The following XKR6 variants were observed in gnomAD, a reference collection of about 807,000 sequenced individuals.
XKR6 encodes the protein XK related 6.
Under a neutral mutation model 56.7 loss-of-function variants are expected in XKR6, and 22 were observed. The observed-to-expected ratio is 0.39, with a 90% CI of 0.28 to 0.55. XKR6 has a LOEUF of 0.55. Among genes scored for constraint, XKR6 ranks in the 20% least tolerant of loss-of-function variants. The probability of loss-of-function intolerance (pLI) is 0.66; values close to 1 mark genes in which losing one functional copy is unlikely to be tolerated. For missense variants in XKR6, 852 were observed against 889.0 expected, an observed-to-expected ratio of 0.96 and a Z score of 0.53; for synonymous variants, 524 against 387.8, an observed-to-expected ratio of 1.35 and a Z score of -4.13.
chr8:10,954,902 CT>C (rs1801836776), intron 1 of XKR6, among the ~76,000 whole-genome samples: 2 of 97,268 alleles, frequency 2.1e-5, no homozygotes, highest in African/African-American at 7.7e-5. Context: ...GAGTTTCACT[CT>C]TTTCTCCCAG....
chr8:10,907,025 C>T (rs1238392471), intron 2 of XKR6, among the ~76,000 whole-genome samples: 1 of 150,460 alleles, frequency 6.6e-6, no homozygotes. Flanking sequence ...TCCAGCCTGG[C>T]AACAGAGCAA....
rs552792827 is a variant in XKR6 at position 11,166,102 on chromosome 8, G to A, written c.764+34474C>T. Among the ~76,000 whole-genome samples the A allele has an allele frequency of 1.4e-4, 22 of 151,876 alleles. No individual in the cohort carries two copies. The East Asian group carries it at 3.1e-3, about 21-fold the overall frequency. On this transcript the variant is annotated intron_variant, in intron 1 of 2. Coordinates refer to ENST00000416569, the MANE Select transcript of XKR6 (RefSeq NM_173683.4). The stretch of plus-strand genomic sequence containing the variant: ...TCCCGAGTAGCTGGGATTTACAGGC[G>A]CATGCCACCATGCCCAGCTAATTTT...
chr8:11,084,457 T>C (rs954721492), intron 1 of XKR6, among the ~76,000 whole-genome samples: 1 of 152,200 alleles, frequency 6.6e-6, no homozygotes, highest in Non-Finnish European at 1.5e-5. Flanking sequence ...GTCTAAGAAT[T>C]GCACTATTTA....
At chr8:11,076,657 G>A (rs915395821) in intron 1 of XKR6, among the ~76,000 whole-genome samples, 1 of 152,144 alleles carries the variant, frequency 6.6e-6, no homozygotes, top group Admixed American at 6.5e-5. Flanking sequence ...CACAGGGCAG[G>A]CCCCGAAGAA....
chr8:10,947,959 C>T (rs1209834793), intron 1 of XKR6, among the ~76,000 whole-genome samples: 1 of 152,282 alleles, frequency 6.6e-6, no homozygotes, highest in South Asian at 2.1e-4. Flanking sequence ...GGCTGTCAGG[C>T]CTGGGGTTGG....
chr8:11,146,864 G>C (rs547013345), intron 1 of XKR6, among the ~76,000 whole-genome samples: 3 of 151,996 alleles, frequency 2.0e-5, no homozygotes, highest in African/African-American at 7.2e-5. Context: ...AATGAAACAA[G>C]CCAGACACAG....
At chr8:11,130,338 T>C (rs1800043189) in intron 1 of XKR6, among the ~76,000 whole-genome samples, 1 of 152,138 alleles carries the variant, frequency 6.6e-6, no homozygotes. Context: ...TTTTACGTTT[T>C]CCAAAGCACA....
chr8:11,079,433 G>C (rs923793560), intron 1 of XKR6, among the ~76,000 whole-genome samples: 2 of 152,188 alleles, frequency 1.3e-5, no homozygotes, highest in African/African-American at 2.4e-5. Context: ...ACAATATAGT[G>C]ACTATTATCC....
chr8:11,143,412 CA>C (rs1181158342), intron 1 of XKR6, among the ~76,000 whole-genome samples: 4 of 152,178 alleles, frequency 2.6e-5, no homozygotes, highest in Admixed American at 1.3e-4. Context: ...CCTAATCCGA[CA>C]ATGTAACTGC....
intron 1 of XKR6, among the ~76,000 whole-genome samples, chr8:11,121,936 C>CA (rs975457751): frequency 1.3e-5 from 2 of 152,066 alleles, no homozygotes; most frequent in East Asian, 1.9e-4. Flanking sequence ...ATCGCCAGGA[C>CA]AAAAAACCAT....
chr8:10,997,073 T>A (rs1397978590), intron 1 of XKR6, among the ~76,000 whole-genome samples: 1 of 152,254 alleles, frequency 6.6e-6, no homozygotes, highest in Non-Finnish European at 1.5e-5. Context: ...TTTCTCATCG[T>A]CTGCACCTTC....
At chr8:11,060,744 G>T (rs946083552) in intron 1 of XKR6, among the ~76,000 whole-genome samples, 1 of 152,202 alleles carries the variant, frequency 6.6e-6, no homozygotes, top group Admixed American at 6.5e-5. Flanking sequence ...TGTTTCTCTG[G>T]CAATTCATCC....
At chr8:10,941,519 C>T (rs1196543457) in intron 1 of XKR6, among the ~76,000 whole-genome samples, 1 of 152,226 alleles carries the variant, frequency 6.6e-6, no homozygotes, top group East Asian at 1.9e-4. Context: ...CTCGGCCACT[C>T]CTGCAGGACC....
chr8:10,941,139 C>A (rs1801374785), intron 1 of XKR6, among the ~76,000 whole-genome samples: 1 of 152,128 alleles, frequency 6.6e-6, no homozygotes, highest in Non-Finnish European at 1.5e-5. Flanking sequence ...CCCCTCCAGG[C>A]CCTGTCCAAC....
chr8:10,956,821 G>A (rs376992801), intron 1 of XKR6, among the ~76,000 whole-genome samples: 1 of 152,212 alleles, frequency 6.6e-6, no homozygotes, highest in South Asian at 2.1e-4. Flanking sequence ...TCTGTCTTCA[G>A]CTTCTCAGAT....
At chr8:11,041,663 G>A (rs1799290170) in intron 1 of XKR6, among the ~76,000 whole-genome samples, 1 of 152,240 alleles carries the variant, frequency 6.6e-6, no homozygotes, top group Admixed American at 6.5e-5. Context: ...TAGTGGGGTT[G>A]TGGGTCATCT....
At chr8:10,932,560 T>A (rs796754678) in intron 1 of XKR6, among the ~76,000 whole-genome samples, 1 of 132,896 alleles carries the variant, frequency 7.5e-6, no homozygotes, top group South Asian at 2.7e-4. Context: ...TATCTCCCAA[T>A]GCTATCCCTC....
At chr8:11,076,539 C>T (rs10113735) in intron 1 of XKR6, among the ~76,000 whole-genome samples, 28,124 of 152,120 alleles carry the variant, frequency 0.18, 2,743 homozygotes, top group Middle Eastern at 0.28. Flanking sequence ...AGGTGAGAGT[C>T]TCGTGAGCTG....
intron 1 of XKR6, among the ~76,000 whole-genome samples, chr8:11,004,198 G>C (rs1232205600): frequency 6.6e-6 from 1 of 152,184 alleles, no homozygotes; most frequent in African/African-American, 2.4e-5. Context: ...GTGGGGCCGG[G>C]CGTGGTGGCT....
Sources: allele counts gnomAD v4.1 joint callset (sites outside exome capture counted in the v4.1 genomes callset), GRCh38; gene constraint gnomAD v4.1.1; transcripts MANE v1.5; gene names NCBI Gene and HGNC (gene_info 2026-07-23, HGNC 2026-07-21).